The following SLC18A2 variants were observed in gnomAD, a reference collection of about 807,000 sequenced individuals.
SLC18A2 encodes the protein synaptic vesicular amine transporter.
In SLC18A2, 33 loss-of-function variants were observed where a neutral mutation model predicts 59.2. The observed-to-expected ratio is 0.56, with a 90% confidence interval of 0.42 to 0.75. The LOEUF (loss-of-function observed/expected upper bound fraction) is 0.75. SLC18A2 is among the 30% of genes least tolerant of loss of function. SLC18A2 has a pLI of 0.00. For missense variants in SLC18A2, 569 were observed against 668.6 expected (o/e 0.85, Z 1.64); for synonymous variants, 228 against 253.5 (o/e 0.90, Z 0.95).
In SLC18A2 at chr10:117,255,290, C is replaced by A. The variant is rs549412168; in HGVS notation, c.714C>A (p.Phe238Leu). 13 of 1,614,186 alleles carry A rather than the reference C, an allele frequency of 8.1e-6. No individual in the cohort carries two copies. The South Asian group carries it at 1.4e-4, about 18-fold the overall frequency. Reference sequence around the variant, plus strand: ...CTCTCCCTGCAGTGGGCCCCCCCTTCGGGAGTGTGCTCTATGAGTTTGTGG... The same window carrying A: ...CTCTCCCTGCAGTGGGCCCCCCCTTAGGGAGTGTGCTCTATGAGTTTGTGG... The part of the protein sequence containing the change: ...LAMGVLVGPP[F>L]GSVLYEFVGK... The change falls in exon 7 of 16, where the codon TTC becomes TTA. Residue 238 changes from phenylalanine to leucine, a missense_variant. By Grantham distance (22) the Phe-to-Leu change is conservative. Coordinates refer to ENST00000644641, the MANE Select transcript of SLC18A2 (RefSeq NM_003054.6).
chr10:117,244,916 C>A (rs1426027870), intron 3 of SLC18A2, among the ~76,000 whole-genome samples: 1 of 152,242 alleles, frequency 6.6e-6, no homozygotes, highest in Non-Finnish European at 1.5e-5. Context: ...AGGAAGAGAA[C>A]TGAGGCTGTT....
At chr10:117,244,872 C>T (rs1042263481) in intron 3 of SLC18A2, among the ~76,000 whole-genome samples, 5 of 152,244 alleles carry the variant, frequency 3.3e-5, no homozygotes, top group Admixed American at 2.0e-4. Context: ...TTCTTCCCTT[C>T]TGCTGGCTAC....
At chr10:117,256,131 G>C (rs1234168989) in intron 9 of SLC18A2, among the ~76,000 whole-genome samples, 1 of 152,220 alleles carries the variant, frequency 6.6e-6, no homozygotes, top group African/African-American at 2.4e-5. Flanking sequence ...TTCTTGCAGA[G>C]AGCATCCCTG....
At chr10:117,272,212 C>T (rs1362189916) in intron 15 of SLC18A2, among the ~76,000 whole-genome samples, 2 of 152,130 alleles carry the variant, frequency 1.3e-5, no homozygotes, top group African/African-American at 2.4e-5. Flanking sequence ...CCAATATCAC[C>T]CCACTCTTTC....
intron 3 of SLC18A2, among the ~76,000 whole-genome samples, chr10:117,245,077 G>A (rs1034315032): frequency 7.2e-5 from 11 of 152,242 alleles, no homozygotes; most frequent in African/African-American, 2.2e-4. Context: ...AGTTCTGCCT[G>A]GTCCGTGGGG....
intron 3 of SLC18A2, among the ~76,000 whole-genome samples, chr10:117,252,773 C>G (rs1024258940): frequency 2.0e-5 from 3 of 152,156 alleles, no homozygotes; most frequent in African/African-American, 7.2e-5. Flanking sequence ...GTGGCAGGGT[C>G]ATGTGTCCAG....
intron 9 of SLC18A2, among the ~76,000 whole-genome samples, chr10:117,257,254 A>G (rs1024290283): frequency 1.3e-5 from 2 of 152,136 alleles, no homozygotes; most frequent in African/African-American, 4.8e-5. Context: ...GAGATCATGA[A>G]TATTTGCATA....
chr10:117,268,581 C>T (rs373884563), intron 13 of SLC18A2: 4,861 of 59,362 alleles, frequency 0.082, 89 homozygotes, highest in Non-Finnish European at 0.13. Context: ...GCTAACTGTA[C>T]GGCCCCTGGC....
In SLC18A2 at chr10:117,269,080, TATAC is replaced by T. The variant is rs1844389224; in HGVS notation, c.1187-985_1187-982del. ...ACATAAACACATACACATACACAAA[TATAC>T]ATACACACATATGCATACATACATA... On this transcript the variant is annotated intron_variant, in intron 13 of 15. Transcript: ENST00000644641. The surrounding 1 kb of genome is among the most constrained non-coding windows in gnomAD (Gnocchi z 5.1). Among the ~76,000 whole-genome samples, 1 of 148,450 alleles carries T rather than the reference TATAC, an allele frequency of 6.7e-6. No homozygotes were observed. Among genetic ancestry groups the T allele is most frequent in the Non-Finnish European group, 1.5e-5 (1 of 67,446 alleles).
chr10:117,276,315 GAAGATATC>G, intron 15 of SLC18A2, among the ~76,000 whole-genome samples: 1 of 152,016 alleles, frequency 6.6e-6, no homozygotes, highest in Admixed American at 6.5e-5. Context: ...GGCAGCCTGT[GAAGATATC>G]AGAACTGGCT....
chr10:117,241,143 G>C lies in SLC18A2; in HGVS notation c.-93G>C, dbSNP rs1458883514. On this transcript the variant is annotated 5_prime_UTR_variant, in exon 1 of 16. Transcript: ENST00000644641. ...CGGAGACTGCGACCCGGAGCCGCCC[G>C]GACTGACGGAGCCCACTGCGGTGCG... The C allele has an allele frequency of 6.6e-6, 1 of 151,828 alleles. No individual in the cohort carries two copies. Among genetic ancestry groups the C allele is most frequent in the African/African-American group, 2.4e-5 (1 of 41,338 alleles). 9.4% of individuals were successfully genotyped at this position (151,828 alleles called of 1,614,324 possible).
At chr10:117,271,567 G>C (rs1589986235) in intron 15 of SLC18A2, among the ~76,000 whole-genome samples, 1 of 152,158 alleles carries the variant, frequency 6.6e-6, no homozygotes, top group East Asian at 1.9e-4. Context: ...GATTTAACTA[G>C]ATACTTTTGA....
At chr10:117,246,018 T>G (rs1166580994) in intron 3 of SLC18A2, among the ~76,000 whole-genome samples, 1 of 152,212 alleles carries the variant, frequency 6.6e-6, no homozygotes, top group African/African-American at 2.4e-5. Flanking sequence ...AAGGTGACAT[T>G]CAGTGACTCC....
intron 3 of SLC18A2, among the ~76,000 whole-genome samples, chr10:117,251,620 T>C (rs1445142414): frequency 6.6e-6 from 1 of 152,248 alleles, no homozygotes; most frequent in Admixed American, 6.5e-5. Context: ...TTACTCTCTG[T>C]ATTTTTGGTA....
intron 1 of SLC18A2, among the ~76,000 whole-genome samples, 180 bp from the exon 2 acceptor site, chr10:117,241,499 C>T (rs2133723503): frequency 6.6e-6 from 1 of 151,818 alleles, no homozygotes; most frequent in South Asian, 2.1e-4. Context: ...GCGCTCTTTC[C>T]AGGGAGCGCG....
At chr10:117,265,330 C>T (rs932257617) in intron 10 of SLC18A2, among the ~76,000 whole-genome samples, 2 of 151,996 alleles carry the variant, frequency 1.3e-5, no homozygotes, top group African/African-American at 2.4e-5. Flanking sequence ...CACACTTGCC[C>T]GTGAGTGTGT....
intron 14 of SLC18A2, 59 bp from the exon 15 acceptor site, chr10:117,270,271 C>T (rs2133744960): frequency 6.2e-7 from 1 of 1,612,738 alleles, no homozygotes; most frequent in Middle Eastern, 1.7e-4. Context: ...TAAATCTTTG[C>T]ATCTTTCAGT....
At chr10:117,242,706 T>C (rs1033475095) in intron 2 of SLC18A2, among the ~76,000 whole-genome samples, 2 of 152,196 alleles carry the variant, frequency 1.3e-5, no homozygotes, top group Non-Finnish European at 2.9e-5. Flanking sequence ...ATTTAATTTG[T>C]ATTTTTTGTT....
intron 2 of SLC18A2, among the ~76,000 whole-genome samples, chr10:117,242,767 C>T (rs1481673147): frequency 6.6e-6 from 1 of 152,200 alleles, no homozygotes; most frequent in Admixed American, 6.5e-5. Context: ...GAGTCTCACT[C>T]TGTTGCCCAG....
Sources: allele counts gnomAD v4.1 joint callset (sites outside exome capture counted in the v4.1 genomes callset), GRCh38; gene constraint gnomAD v4.1.1; non-coding constraint Gnocchi (gnomAD v3.1); transcripts MANE v1.5; gene names NCBI Gene and HGNC (gene_info 2026-07-23, HGNC 2026-07-21).